NRXN3: variants seen among roughly 807,000 people sequenced by gnomAD.
NRXN3 encodes the protein neurexin 3, also known as neurexin III.
A neutral mutation model predicts 137.6 loss-of-function variants in NRXN3; 32 were observed. That is an observed-to-expected ratio of 0.23 (90% CI 0.18 to 0.31). NRXN3 has a LOEUF of 0.31. Among genes scored for constraint, NRXN3 ranks in the 10% least tolerant of loss-of-function variants. NRXN3 has a pLI of 1.00. For synonymous variants in NRXN3, 798 were observed against 784.5 expected, an observed-to-expected ratio of 1.02 and a Z score of -0.29; for missense variants, 1,574 against 2,062.5, an observed-to-expected ratio of 0.76 and a Z score of 4.59.
rs144887920 is a variant in NRXN3, at chr14:79,415,924, T to C, written c.3263-51297T>C. 3.4e-3 allele frequency among the ~76,000 whole-genome samples: 515 copies of C among 152,252 alleles called. 4 individuals are homozygous for C. The highest frequency in any genetic ancestry group is 0.012 in the African/African-American group (497 of 41,568). On this transcript the variant is annotated intron_variant, in intron 15 of 20. Transcript: ENST00000335750. ...AATCTGCATTTAACAGATTTCTTGGTGACTCATATACATGTTAAAGGTTGT... is the reference window on the plus strand; with the variant it reads ...AATCTGCATTTAACAGATTTCTTGGCGACTCATATACATGTTAAAGGTTGT...
chr14:78,268,264 C>CGTTTT (rs924046737), intron 2 of NRXN3, among the ~76,000 whole-genome samples: 7 of 151,114 alleles, frequency 4.6e-5, no homozygotes, highest in Non-Finnish European at 2.9e-5. Flanking sequence ...ACTGGACCAC[C>CGTTTT]GTTTTGTTTT....
intron 15 of NRXN3, among the ~76,000 whole-genome samples, chr14:79,214,880 A>G (rs2068240593): frequency 6.6e-6 from 1 of 152,150 alleles, no homozygotes; most frequent in South Asian, 2.1e-4. Flanking sequence ...ATTAACATTC[A>G]ATCTTTCACT....
chr14:78,943,676 A>ATC (rs2099359628), intron 10 of NRXN3, among the ~76,000 whole-genome samples: 3 of 108,094 alleles, frequency 2.8e-5, no homozygotes, highest in Non-Finnish European at 5.9e-5. Flanking sequence ...ATATATATAT[A>ATC]TATCTCAAAG....
At chr14:78,193,027 G>T (rs561300219) in intron 1 of NRXN3, among the ~76,000 whole-genome samples, 185 of 152,236 alleles carry the variant, frequency 1.2e-3, no homozygotes, top group Non-Finnish European at 1.6e-3. Context: ...ACCCCAGAAG[G>T]CAAAGAGGTC....
At chr14:78,171,517 G>C (rs528891393) in intron 1 of NRXN3, among the ~76,000 whole-genome samples, 4 of 152,086 alleles carry the variant, frequency 2.6e-5, no homozygotes, top group Non-Finnish European at 5.9e-5. Context: ...CTTAAAGCCT[G>C]GTTCGATGTA....
At chr14:79,734,497 T>C (rs997401543) in intron 19 of NRXN3, among the ~76,000 whole-genome samples, 3 of 152,200 alleles carry the variant, frequency 2.0e-5, no homozygotes, top group Non-Finnish European at 2.9e-5. Context: ...CCCTGAAAGA[T>C]AGGTGATACA....
chr14:78,495,485 G>A (rs758152516), intron 4 of NRXN3, among the ~76,000 whole-genome samples: 2 of 152,128 alleles, frequency 1.3e-5, no homozygotes, highest in Admixed American at 6.6e-5. Context: ...CACACTATGT[G>A]CCAGGCTTTA....
intron 4 of NRXN3, among the ~76,000 whole-genome samples, chr14:78,446,955 ACT>A (rs1199861305): frequency 3.9e-5 from 6 of 152,120 alleles, no homozygotes; most frequent in African/African-American, 1.4e-4. Context: ...TCTGAGCTTT[ACT>A]CGCCATTTAA....
intron 15 of NRXN3, among the ~76,000 whole-genome samples, chr14:79,397,199 A>C (rs1230040124): frequency 2.0e-5 from 3 of 152,150 alleles, no homozygotes; most frequent in African/African-American, 7.2e-5. Flanking sequence ...CCTGAGATTA[A>C]ATATAACATT....
chr14:79,393,435 C>CT (rs1395954328), intron 15 of NRXN3, among the ~76,000 whole-genome samples: 12 of 152,216 alleles, frequency 7.9e-5, no homozygotes, highest in African/African-American at 2.9e-4. Context: ...ATGAAGTTCA[C>CT]TGTATGTGTA....
chr14:78,314,003 G>A (rs2078270819), intron 4 of NRXN3, among the ~76,000 whole-genome samples: 1 of 152,140 alleles, frequency 6.6e-6, no homozygotes, highest in Non-Finnish European at 1.5e-5. Flanking sequence ...TTGTTCTTGA[G>A]CAGCTCACAA....
At chr14:79,127,547 G>A (rs1282203102) in intron 15 of NRXN3, among the ~76,000 whole-genome samples, 1 of 152,084 alleles carries the variant, frequency 6.6e-6, no homozygotes, top group East Asian at 1.9e-4. Flanking sequence ...CTCTGTTTTG[G>A]TACCAGTACC....
intron 15 of NRXN3, among the ~76,000 whole-genome samples, chr14:79,464,235 G>A (rs887405244): frequency 1.3e-5 from 2 of 151,914 alleles, no homozygotes; most frequent in African/African-American, 4.8e-5. Flanking sequence ...TTTCTTCATA[G>A]CAAAGTAATC....
intron 15 of NRXN3, among the ~76,000 whole-genome samples, chr14:79,348,700 G>T (rs2093036650): frequency 6.6e-6 from 1 of 152,138 alleles, no homozygotes; most frequent in Non-Finnish European, 1.5e-5. Context: ...TTGTCACTTA[G>T]AGTAGGGCAG....
At chr14:78,866,125 T>G (rs2099086071) in intron 10 of NRXN3, among the ~76,000 whole-genome samples, 1 of 152,178 alleles carries the variant, frequency 6.6e-6, no homozygotes, top group South Asian at 2.1e-4. Flanking sequence ...TTTGGATCAC[T>G]GATATCCTAA....
intron 15 of NRXN3, among the ~76,000 whole-genome samples, chr14:79,252,764 A>T (rs2153379748): frequency 6.6e-6 from 1 of 152,336 alleles, no homozygotes; most frequent in South Asian, 2.1e-4. Context: ...AGTCAGCAAC[A>T]CAATTTTTCC....
At chr14:79,740,386 T>TG (rs1568071423) in intron 19 of NRXN3, among the ~76,000 whole-genome samples, 1 of 151,960 alleles carries the variant, frequency 6.6e-6, no homozygotes, top group African/African-American at 2.4e-5. Context: ...CCGTGACTCC[T>TG]GGGGGGCCTG....
intron 15 of NRXN3, among the ~76,000 whole-genome samples, chr14:79,372,207 A>G (rs924415441): frequency 3.9e-5 from 6 of 152,120 alleles, no homozygotes; most frequent in African/African-American, 1.4e-4. Context: ...TAAGACTAAA[A>G]CACACCATAT....
intron 15 of NRXN3, among the ~76,000 whole-genome samples, chr14:79,165,534 G>A (rs150943760): frequency 6.6e-6 from 1 of 152,052 alleles, no homozygotes; most frequent in Non-Finnish European, 1.5e-5. Context: ...CTGGTTACTG[G>A]GAATCTATGC....
Sources: gnomAD v4.1 joint callset for allele counts (sites outside exome capture counted in the v4.1 genomes callset) on GRCh38, gnomAD v4.1.1 for gene constraint, MANE v1.5 for transcripts, NCBI Gene and HGNC (gene_info 2026-07-23, HGNC 2026-07-21) for gene names.